Variants in NTNG1 observed in about 807,000 individuals in gnomAD.
NTNG1 encodes netrin-G1.
Under a neutral mutation model 54.0 loss-of-function variants are expected in NTNG1, and 16 were observed. That is an observed-to-expected ratio of 0.30 (90% CI 0.20 to 0.45). The LOEUF is 0.45. Ranked by LOEUF, NTNG1 falls within the 20% of genes least tolerant of loss-of-function variation. The pLI, the probability that NTNG1 is intolerant of heterozygous loss-of-function variation, is 1.00. For missense variants in NTNG1, 530 were observed against 678.7 expected (o/e 0.78, Z 2.43); for synonymous variants, 255 against 263.1 (o/e 0.97, Z 0.30).
intron 3 of NTNG1, among the ~76,000 whole-genome samples, chr1:107,366,521 C>A (rs1670602619): frequency 6.6e-6 from 1 of 152,190 alleles, no homozygotes; most frequent in East Asian, 1.9e-4. Flanking sequence ...TTCCAAAGGG[C>A]TACAGAATGC....
chr1:107,332,448 AT>A (rs1668338149), intron 3 of NTNG1, among the ~76,000 whole-genome samples: 1 of 152,114 alleles, frequency 6.6e-6, no homozygotes, highest in Non-Finnish European at 1.5e-5. Context: ...GGGAAGCTAC[AT>A]TCTAGCTACA....
intron 2 of NTNG1, among the ~76,000 whole-genome samples, chr1:107,158,373 A>G (rs1655157241): frequency 6.6e-6 from 1 of 152,204 alleles, no homozygotes; most frequent in African/African-American, 2.4e-5. Flanking sequence ...TATAGTATCT[A>G]TTCCATGAAA....
intron 1 of NTNG1, among the ~76,000 whole-genome samples, chr1:107,142,861 T>G (rs1282188789): frequency 6.6e-6 from 1 of 152,082 alleles, no homozygotes; most frequent in Non-Finnish European, 1.5e-5. Flanking sequence ...TTTCATTAAG[T>G]ATTTTGAACT....
intron 3 of NTNG1, among the ~76,000 whole-genome samples, chr1:107,384,143 T>C (rs1410722272): frequency 2.0e-5 from 3 of 152,188 alleles, no homozygotes; most frequent in African/African-American, 7.2e-5. Context: ...GAGCAGTTCA[T>C]TATCTCAAAC....
chr1:107,366,079 C>T (rs141043076), intron 3 of NTNG1, among the ~76,000 whole-genome samples: 1 of 152,270 alleles, frequency 6.6e-6, no homozygotes, highest in African/African-American at 2.4e-5. Flanking sequence ...TGTAACAGCT[C>T]ACCTGGGCAG....
chr1:107,458,144 C>G (rs955027628), intron 7 of NTNG1, among the ~76,000 whole-genome samples: 1 of 152,122 alleles, frequency 6.6e-6, no homozygotes, highest in Non-Finnish European at 1.5e-5. Flanking sequence ...CAATAAAAAG[C>G]TGATCCAAAA....
At chr1:107,381,874 C>T (rs1329816020) in intron 3 of NTNG1, among the ~76,000 whole-genome samples, 17 of 152,194 alleles carry the variant, frequency 1.1e-4, no homozygotes, top group Admixed American at 4.6e-4. Flanking sequence ...TTCTCCATGT[C>T]ATGGCCAAAA....
intron 6 of NTNG1, among the ~76,000 whole-genome samples, chr1:107,435,193 A>C (rs891037017): frequency 1.3e-5 from 2 of 152,166 alleles, no homozygotes; most frequent in African/African-American, 4.8e-5. Flanking sequence ...AAAAAATTAC[A>C]GTTTCGATAT....
intron 2 of NTNG1, among the ~76,000 whole-genome samples, chr1:107,174,470 G>T (rs1413146003): frequency 6.6e-6 from 1 of 151,652 alleles, no homozygotes; most frequent in Non-Finnish European, 1.5e-5. Context: ...AAGTTCTTTT[G>T]TTCTTCTGTA....
Position 107,418,557 on chromosome 1 carries a change from C to G in NTNG1, c.1087+10849C>G, listed in dbSNP as rs773307140. On this transcript the variant is annotated intron_variant, in intron 5 of 7. Coordinates refer to ENST00000370068, the MANE Select transcript of NTNG1 (RefSeq NM_001113226.3). The stretch of plus-strand genomic sequence containing the variant: ...ACATTATAGCTGAAAATAACATACC[C>G]TGATTTTTCCTGATGCGTGCAGATC... The G allele has an allele frequency of 3.9e-6, 6 of 1,550,182 alleles. No homozygotes were observed. The South Asian group carries it at 7.2e-5, about 19-fold the overall frequency.
chr1:107,449,192 G>A lies in NTNG1; in HGVS notation c.1390+12393G>A, dbSNP rs192350830. Among the ~76,000 whole-genome samples, 577 of 151,952 alleles carry A rather than the reference G, an allele frequency of 3.8e-3. 6 individuals carry two copies. The Middle Eastern group carries it at 0.041, about 11-fold the overall frequency. ...GTCATTGGTTTTATGAGAACAAAAC[G>A]GAAAGAATGACAGCAAGATCCTAAT... On this transcript the variant is annotated intron_variant, in intron 7 of 7. Coordinates refer to ENST00000370068, the MANE Select transcript of NTNG1 (RefSeq NM_001113226.3).
At chr1:107,193,812 T>A (rs1388872005) in intron 2 of NTNG1, among the ~76,000 whole-genome samples, 1 of 151,910 alleles carries the variant, frequency 6.6e-6, no homozygotes, top group Non-Finnish European at 1.5e-5. Context: ...TCCTTTCTCC[T>A]TCCTTCCCTC....
At position 107,270,077 on chromosome 1, in the gene NTNG1, A is replaced by T. The variant is rs1042237564; in HGVS notation, c.247-54205A>T. 1.1e-4 allele frequency among the ~76,000 whole-genome samples: 17 copies of T among 152,376 alleles called. No homozygotes were observed. The South Asian group carries it at 1.4e-3, about 13-fold the overall frequency. On this transcript the variant is annotated intron_variant, in intron 2 of 7. Coordinates refer to ENST00000370068, the MANE Select transcript of NTNG1 (RefSeq NM_001113226.3). ...TTCAAGCTGGGCTTCTGCACAGCAA[A>T]CTGTTCCAAAGTTGGTGAAAACCAA...
upstream of NTNG1, chr1:107,140,895 G>T (rs769151392): frequency 6.5e-6 from 1 of 152,796 alleles, no homozygotes; most frequent in Non-Finnish European, 1.5e-5. Flanking sequence ...CAGGGGACTG[G>T]GCTGGCACGA....
At position 107,237,168 on chromosome 1, in the gene NTNG1, G is replaced by A. The variant is rs748946097; in HGVS notation, c.247-87114G>A. On this transcript the variant is annotated intron_variant, in intron 2 of 7. Transcript: ENST00000370068. ...AGAGGTGGTCTTAGATGGAGATGAGGAACTTGTTGGGAACTGGAGCAAAGG... is the reference window on the plus strand; with the variant it reads ...AGAGGTGGTCTTAGATGGAGATGAGAAACTTGTTGGGAACTGGAGCAAAGG... Among the ~76,000 whole-genome samples, 118 of 152,150 alleles carry A rather than the reference G, an allele frequency of 7.8e-4. 3 individuals carry two copies. Among genetic ancestry groups the A allele is most frequent in the Non-Finnish European group, 1.5e-4 (10 of 68,036 alleles).
In NTNG1 at chr1:107,276,827, T is replaced by C. The variant is rs373498097; in HGVS notation, c.247-47455T>C. Among the ~76,000 whole-genome samples the C allele has an allele frequency of 1.3e-4, 12 of 93,406 alleles. No individual in the cohort carries two copies. In the East Asian group the frequency reaches 1.7e-3, roughly 13 times the overall value. The allele number at this position is 93,406 out of a possible 152,430, so 61.3% of individuals were successfully genotyped here. A position where few individuals can be genotyped will look rare whatever the true frequency, so the allele number is the denominator to read the frequency against. Reference sequence around the variant, plus strand: ...CTTCCAGGCCATTTAAATTTTCTTCTTTTTTTTTTTTGTCTTATTGAAGAG... The same window carrying C: ...CTTCCAGGCCATTTAAATTTTCTTCCTTTTTTTTTTTGTCTTATTGAAGAG... On this transcript the variant is annotated intron_variant, in intron 2 of 7. Coordinates refer to ENST00000370068, the MANE Select transcript of NTNG1 (RefSeq NM_001113226.3).
At chr1:107,256,777 T>A (rs537832983) in intron 2 of NTNG1, among the ~76,000 whole-genome samples, 1 of 152,276 alleles carries the variant, frequency 6.6e-6, no homozygotes, top group East Asian at 1.9e-4. Context: ...TCATTTGGCA[T>A]TTACCCTGCA....
chr1:107,437,256 C>T (rs1464087036), intron 7 of NTNG1, among the ~76,000 whole-genome samples: 2 of 152,110 alleles, frequency 1.3e-5, no homozygotes, highest in Non-Finnish European at 2.9e-5. Context: ...TAACCAAAAA[C>T]CTAAAGGTAA....
chr1:107,255,042 G>C (rs1361040374), intron 2 of NTNG1, among the ~76,000 whole-genome samples: 1 of 152,066 alleles, frequency 6.6e-6, no homozygotes, highest in Non-Finnish European at 1.5e-5. Flanking sequence ...TAGATGTAGG[G>C]CACTGAAAAT....
Sources: allele counts gnomAD v4.1 joint callset (sites outside exome capture counted in the v4.1 genomes callset), GRCh38; gene constraint gnomAD v4.1.1; transcripts MANE v1.5; gene names NCBI Gene and HGNC (gene_info 2026-07-23, HGNC 2026-07-21).